UPRT: variants seen among roughly 807,000 people sequenced by gnomAD.
UPRT encodes the protein RP11-311P8.3.
Under a neutral mutation model 22.6 loss-of-function variants are expected in UPRT, and 5 were observed. That is an observed-to-expected ratio of 0.22 (90% CI 0.12 to 0.47). The LOEUF (loss-of-function observed/expected upper bound fraction) is 0.47. UPRT is among the 20% of genes least tolerant of loss of function. UPRT has a pLI of 0.99. For synonymous variants in UPRT, 77 were observed against 87.7 expected, an observed-to-expected ratio of 0.88 and a Z score of 0.68; for missense variants, 181 against 239.9, an observed-to-expected ratio of 0.75 and a Z score of 1.62.
intron 4 of UPRT, chrX:75,202,562 A>G (rs1050321984): frequency 8.9e-6 from 1 of 112,559 alleles, no homozygotes; most frequent in Non-Finnish European, 1.9e-5. Context: ...AGAAAATGGA[A>G]TCATGTAAAA....
At chrX:75,184,141 G>A (rs1373301225) in intron 4 of UPRT, among the ~76,000 whole-genome samples, 1 of 111,089 alleles carries the variant, frequency 9.0e-6, no homozygotes, top group African/African-American at 3.3e-5. Context: ...TTCTTCTAGG[G>A]TTTTTATGGT....
At chrX:75,239,068 C>G (rs925467033) in intron 4 of UPRT, among the ~76,000 whole-genome samples, 4 of 110,421 alleles carry the variant, frequency 3.6e-5, no homozygotes, top group African/African-American at 1.3e-4. Flanking sequence ...GAAACAAGAA[C>G]AAATCAAACC....
chrX:75,245,491 T>A (rs1328626346), intron 4 of UPRT, among the ~76,000 whole-genome samples: 1 of 108,047 alleles, frequency 9.3e-6, no homozygotes, highest in Admixed American at 9.7e-5. Flanking sequence ...AACATGCAAA[T>A]TTATGTTCAC....
chrX:75,160,445 C>T (rs1423729863), intron 1 of UPRT, among the ~76,000 whole-genome samples: 1 of 111,683 alleles, frequency 9.0e-6, no homozygotes. Context: ...CCAAAATTAC[C>T]CTTCCCCCAA....
intron 4 of UPRT, among the ~76,000 whole-genome samples, chrX:75,196,025 A>G (rs2082331606): frequency 8.9e-6 from 1 of 112,092 alleles, no homozygotes; most frequent in Non-Finnish European, 1.9e-5. Context: ...ATATTTTAGG[A>G]TTAGCTTTTC....
intron 6 of UPRT, among the ~76,000 whole-genome samples, chrX:75,301,661 C>T (rs976312428): frequency 9.0e-6 from 1 of 111,465 alleles, no homozygotes; most frequent in Non-Finnish European, 1.9e-5. Flanking sequence ...ACTGTTAAAT[C>T]ATGTTTTTGG....
chrX:75,185,055 A>C (rs1192501587), intron 4 of UPRT, among the ~76,000 whole-genome samples: 1 of 111,294 alleles, frequency 9.0e-6, no homozygotes, highest in Non-Finnish European at 1.9e-5. Context: ...TTCCAACACT[A>C]TATTGAATAG....
At chrX:75,280,987 C>T (rs984553472) in intron 1 of UPRT, among the ~76,000 whole-genome samples, 20 of 110,603 alleles carry the variant, frequency 1.8e-4, no homozygotes, top group African/African-American at 6.3e-4. Context: ...GGTCTTTCAA[C>T]TCCTTAGGTA....
intron 4 of UPRT, among the ~76,000 whole-genome samples, chrX:75,216,550 A>C (rs1368824324): frequency 8.9e-6 from 1 of 112,221 alleles, no homozygotes; most frequent in Non-Finnish European, 1.9e-5. Flanking sequence ...AATTACATGA[A>C]ATAGTATATT....
At chrX:75,303,111 A>G (rs2082750001) in intron 6 of UPRT, among the ~76,000 whole-genome samples, 1 of 111,480 alleles carries the variant, frequency 9.0e-6, no homozygotes, top group African/African-American at 3.3e-5. Context: ...CAAAATAAAA[A>G]ATACTCTTTA....
At chrX:75,241,330 A>G (rs2082487797) in intron 4 of UPRT, among the ~76,000 whole-genome samples, 1 of 112,044 alleles carries the variant, frequency 8.9e-6, no homozygotes, top group Non-Finnish European at 1.9e-5. Context: ...AAAAATGCTC[A>G]ACATCACTAA....
chrX:75,203,894 C>A (rs1179846788), intron 4 of UPRT, among the ~76,000 whole-genome samples: 1 of 111,469 alleles, frequency 9.0e-6, no homozygotes, highest in Non-Finnish European at 1.9e-5. Context: ...GCAGTTTGGA[C>A]TAATATTCTT....
At chrX:75,254,693 GC>G (rs1569275409) in intron 4 of UPRT, among the ~76,000 whole-genome samples, 1 of 108,643 alleles carries the variant, frequency 9.2e-6, no homozygotes, top group Non-Finnish European at 1.9e-5. Context: ...TGGGAAATTC[GC>G]CTCAAAAAGA....
chrX:75,186,600 C>CT (rs1217221299), intron 4 of UPRT, among the ~76,000 whole-genome samples: 1 of 111,549 alleles, frequency 9.0e-6, no homozygotes, highest in African/African-American at 3.3e-5. Flanking sequence ...TCTCATTGAT[C>CT]TGTCTAATGT....
chrX:75,271,590 G>T (rs1456283543), upstream of UPRT, among the ~76,000 whole-genome samples: 1 of 112,237 alleles, frequency 8.9e-6, no homozygotes, highest in Non-Finnish European at 1.9e-5. Context: ...CTTAGCCAAA[G>T]ATTTCATGAC....
intron 4 of UPRT, among the ~76,000 whole-genome samples, chrX:75,265,373 T>G (rs1165018091): frequency 2.7e-5 from 3 of 111,689 alleles, no homozygotes; most frequent in African/African-American, 9.8e-5. Flanking sequence ...GAGGCTTTGT[T>G]CATTTCTTTT....
At chrX:75,246,632 G>T (rs755465975) in intron 4 of UPRT, among the ~76,000 whole-genome samples, 2 of 110,883 alleles carry the variant, frequency 1.8e-5, no homozygotes, top group East Asian at 5.7e-4. Flanking sequence ...TAATGGGATG[G>T]CTGGGTCAAA....
intron 4 of UPRT, among the ~76,000 whole-genome samples, chrX:75,249,257 G>C (rs1008651455): frequency 6.3e-5 from 7 of 111,700 alleles, no homozygotes; most frequent in Non-Finnish European, 1.3e-4. Flanking sequence ...AAAATGTACA[G>C]ACTGGCAAAT....
At chrX:75,253,495 AGT>A (rs1031531111) in intron 4 of UPRT, among the ~76,000 whole-genome samples, 5 of 112,482 alleles carry the variant, frequency 4.4e-5, no homozygotes, top group African/African-American at 1.6e-4. Context: ...TGTGGAAGAC[AGT>A]GTGGTGATTT....
Sources: allele counts gnomAD v4.1 joint callset (sites outside exome capture counted in the v4.1 genomes callset), GRCh38; gene constraint gnomAD v4.1.1; transcripts MANE v1.5; gene names NCBI Gene and HGNC (gene_info 2026-07-23, HGNC 2026-07-21).